SPHKAP: variants seen among roughly 807,000 people sequenced by gnomAD.
SPHKAP encodes the protein A-kinase anchor protein SPHKAP.
In SPHKAP, 67 loss-of-function variants were observed where a neutral mutation model predicts 137.5. That is an observed-to-expected ratio of 0.49 (90% CI 0.40 to 0.60). The LOEUF (loss-of-function observed/expected upper bound fraction) is 0.60. SPHKAP is among the 20% of genes least tolerant of loss of function. The pLI is 0.00. For synonymous variants in SPHKAP, 813 were observed against 785.3 expected (o/e 1.04, Z -0.59); for missense variants, 2,097 against 2,069.3 (o/e 1.01, Z -0.26).
intron 3 of SPHKAP, among the ~76,000 whole-genome samples, chr2:228,055,141 CCAAA>C (rs201669407): frequency 0.055 from 6,171 of 111,862 alleles, 178 homozygotes; most frequent in South Asian, 0.087. Context: ...AAACTCCACT[CCAAA>C]AAAAAAAAAA....
chr2:228,027,489 G>T lies in SPHKAP; in HGVS notation c.301C>A (p.Gln101Lys). Residue 101 changes from glutamine (Q) to lysine (K), a missense_variant, in exon 4 of 12, where the codon CAA becomes AAA. Transcript: ENST00000392056. ...GCTTGAGTTTCAAATGTTACCTGTT[G>T]CAGGTGCTCTGTGCTGCATTCATCC... ...NKDECSTEHL[Q>K]QKLVNVSPDL... 1 of 1,613,944 alleles carries T rather than the reference G, an allele frequency of 6.2e-7. No individual in the cohort carries two copies. Among genetic ancestry groups the T allele is most frequent in the African/African-American group, 1.3e-5 (1 of 75,038 alleles).
chr2:228,092,564 CAT>C (rs1487671799), intron 3 of SPHKAP, among the ~76,000 whole-genome samples: 1 of 107,884 alleles, frequency 9.3e-6, no homozygotes, highest in African/African-American at 3.3e-5. Context: ...GTATATGTGC[CAT>C]ATATATGTGT....
chr2:228,003,068 T>C (rs1238891795), intron 7 of SPHKAP, among the ~76,000 whole-genome samples: 1 of 152,206 alleles, frequency 6.6e-6, no homozygotes, highest in African/African-American at 2.4e-5. Flanking sequence ...TTTGGTTCCA[T>C]GTGAACTTTA....
chr2:228,037,043 A>G (rs1695645657), intron 3 of SPHKAP, among the ~76,000 whole-genome samples: 1 of 152,156 alleles, frequency 6.6e-6, no homozygotes, highest in Admixed American at 6.5e-5. Flanking sequence ...TAATAAATAA[A>G]TAAATAGATA....
chr2:228,127,749 T>C (rs1260062174), intron 2 of SPHKAP, among the ~76,000 whole-genome samples: 1 of 152,134 alleles, frequency 6.6e-6, no homozygotes, highest in Non-Finnish European at 1.5e-5. Flanking sequence ...TTTCTATGGA[T>C]TTATATAGGC....
intron 1 of SPHKAP, among the ~76,000 whole-genome samples, chr2:228,138,710 C>G (rs1023095057): frequency 5.9e-5 from 9 of 152,102 alleles, no homozygotes; most frequent in African/African-American, 2.2e-4. Context: ...TTCTTAATCT[C>G]CTAGACCAGT....
intron 9 of SPHKAP, among the ~76,000 whole-genome samples, chr2:227,993,112 C>T (rs993349981): frequency 7.2e-5 from 11 of 152,068 alleles, no homozygotes; most frequent in African/African-American, 2.7e-4. Flanking sequence ...ATATTAGACA[C>T]ATTTAGTAGT....
At chr2:228,175,218 G>A (rs1700703725) in intron 1 of SPHKAP, among the ~76,000 whole-genome samples, 1 of 151,952 alleles carries the variant, frequency 6.6e-6, no homozygotes, top group Admixed American at 6.6e-5. Flanking sequence ...GAAGCTCTTT[G>A]GATAGAAGAG....
At chr2:228,008,428 C>G (rs747958187) in intron 7 of SPHKAP, among the ~76,000 whole-genome samples, 6 of 151,978 alleles carry the variant, frequency 3.9e-5, no homozygotes, top group Non-Finnish European at 8.8e-5. Context: ...TCCCAAGTAG[C>G]TGGGATTATA....
At chr2:228,025,258 C>T in intron 5 of SPHKAP, 136 bp downstream of exon 5, 3 of 959,492 alleles carry the variant, frequency 3.1e-6, no homozygotes, top group Non-Finnish European at 4.3e-6. Flanking sequence ...CAAATGCAGA[C>T]TTTTCTCAAA....
At chr2:228,176,681 G>A (rs971477608) in intron 1 of SPHKAP, among the ~76,000 whole-genome samples, 24 of 152,208 alleles carry the variant, frequency 1.6e-4, no homozygotes, top group Non-Finnish European at 2.2e-4. Flanking sequence ...AGACTAGCCT[G>A]ACCAACATGG....
intron 3 of SPHKAP, among the ~76,000 whole-genome samples, chr2:228,073,648 C>A (rs1437727767): frequency 6.6e-6 from 1 of 152,182 alleles, no homozygotes; most frequent in Non-Finnish European, 1.5e-5. Context: ...GTGCTGCAAC[C>A]TTTTCCGAAT....
At position 228,132,004 on chromosome 2, in the gene SPHKAP, C is replaced by T; in HGVS notation, c.114G>A (p.Gly38=). The stretch of plus-strand genomic sequence containing the variant: ...CCTTCTTACAGGCTGTGATGGAGTT[C>T]CCCGGGCCGCTTCCTGAGCTGCCAC... ...RGCGSSGSGP[G]NSITACKKVL... The change falls in exon 2 of 12, where the codon GGG becomes GGA. Residue 38 remains glycine, a synonymous_variant. Transcript: ENST00000392056. The T allele has an allele frequency of 6.2e-7, 1 of 1,613,966 alleles. No individual in the cohort carries two copies. Among genetic ancestry groups the T allele is most frequent in the Non-Finnish European group, 8.5e-7 (1 of 1,179,938 alleles).
At chr2:227,985,771 T>G (rs1388121187) in intron 11 of SPHKAP, among the ~76,000 whole-genome samples, 1 of 152,204 alleles carries the variant, frequency 6.6e-6, no homozygotes, top group African/African-American at 2.4e-5. Context: ...TAAATTAGAT[T>G]AATTGTTTAC....
chr2:227,991,801 A>G (rs1354683663), intron 9 of SPHKAP: 1 of 574,510 alleles, frequency 1.7e-6, no homozygotes, highest in Admixed American at 6.4e-5. Context: ...TTAAAAAATA[A>G]TTTTACATGT....
chr2:228,013,709 C>T (rs150569850), intron 7 of SPHKAP, among the ~76,000 whole-genome samples: 15 of 152,326 alleles, frequency 9.8e-5, no homozygotes, highest in African/African-American at 3.6e-4. Context: ...TAAAGATCCT[C>T]TTATAAGATA....
intron 2 of SPHKAP, among the ~76,000 whole-genome samples, chr2:228,111,030 T>G (rs565351668): frequency 6.6e-6 from 1 of 152,296 alleles, no homozygotes; most frequent in Non-Finnish European, 1.5e-5. Flanking sequence ...GAGAGTTTCT[T>G]GAGGTCCCTA....
At position 228,132,105 on chromosome 2, in the gene SPHKAP, CAA is replaced by C. The variant is rs1559190924; in HGVS notation, c.33-22_33-21del. ...AAGTTGCTGTTTGTGACCCAAAACA[CAA>C]AAACACATTCCAGTGAGTCATATCT... On this transcript the variant is annotated intron_variant, in intron 1 of 11. Coordinates refer to ENST00000392056, the MANE Select transcript of SPHKAP (RefSeq NM_001142644.2). The C allele has an allele frequency of 1.3e-6, 2 of 1,583,896 alleles. No homozygotes were observed. The highest frequency in any genetic ancestry group is 1.7e-6 in the Non-Finnish European group (2 of 1,153,916).
Position 228,132,024 on chromosome 2 carries a change from T to C in SPHKAP, c.94A>G (p.Ser32Gly). The C allele has an allele frequency of 6.2e-7, 1 of 1,614,120 alleles. No individual in the cohort carries two copies. The highest frequency in any genetic ancestry group is 1.1e-5 in the South Asian group (1 of 91,088). The change falls in exon 2 of 12, where the codon AGC (serine) becomes GGC (glycine). Residue 32 changes from serine to glycine, a missense_variant. Ser to Gly is a moderately conservative substitution (Grantham distance 56). Coordinates refer to ENST00000392056, the MANE Select transcript of SPHKAP (RefSeq NM_001142644.2). ...LEPQQGRGCG[S>G]SGSGPGNSIT... is the part of the protein sequence containing the mutation. ...GAGTTCCCCGGGCCGCTTCCTGAGC[T>C]GCCACAGCCTCTGCCCTGCTGCGGT...
Sources: allele counts gnomAD v4.1 joint callset (sites outside exome capture counted in the v4.1 genomes callset), GRCh38; gene constraint gnomAD v4.1.1; transcripts MANE v1.5; gene names NCBI Gene and HGNC (gene_info 2026-07-23, HGNC 2026-07-21).